Variants in FHIT observed in about 807,000 individuals in gnomAD.
FHIT encodes bis(5'-adenosyl)-triphosphatase.
A neutral mutation model predicts 17.9 loss-of-function variants in FHIT; 19 were observed. That is an observed-to-expected ratio of 1.06 (90% CI 0.74 to 1.56). The LOEUF is 1.56. Ranked by LOEUF, FHIT falls within the 40% of genes most tolerant of loss-of-function variation. The pLI is 0.00. For missense variants in FHIT, 248 were observed against 189.2 expected (o/e 1.31, Z -1.82); for synonymous variants, 81 against 69.7 (o/e 1.16, Z -0.81).
intron 5 of FHIT, among the ~76,000 whole-genome samples, chr3:60,313,747 A>C (rs899613537): frequency 6.6e-6 from 1 of 152,288 alleles, no homozygotes; most frequent in East Asian, 1.9e-4. Flanking sequence ...ACATTAATTA[A>C]AAAAGAAAAT....
At chr3:60,435,395 T>G (rs1345749850) in intron 5 of FHIT, among the ~76,000 whole-genome samples, 1 of 151,936 alleles carries the variant, frequency 6.6e-6, no homozygotes, top group Non-Finnish European at 1.5e-5. Context: ...GATTGAGGAG[T>G]TGATGTACTA....
chr3:60,412,819 G>T (rs1702111249), intron 5 of FHIT, among the ~76,000 whole-genome samples: 1 of 152,142 alleles, frequency 6.6e-6, no homozygotes, highest in Non-Finnish European at 1.5e-5. Context: ...GGATTATGGG[G>T]GTGGGTTTCC....
intron 3 of FHIT, among the ~76,000 whole-genome samples, chr3:61,026,660 A>AT (rs543808254): frequency 2.6e-5 from 4 of 151,618 alleles, no homozygotes; most frequent in Non-Finnish European, 5.9e-5. Flanking sequence ...TTTTTTTGCA[A>AT]TTTTTTTTTA....
At chr3:60,218,286 G>C (rs6801030) in intron 5 of FHIT, among the ~76,000 whole-genome samples, 9,484 of 152,086 alleles carry the variant, frequency 0.062, 413 homozygotes, top group Middle Eastern at 0.13. Context: ...TAAAATTGTA[G>C]TTAAATATAT....
intron 3 of FHIT, among the ~76,000 whole-genome samples, chr3:61,038,046 A>G (rs913563129): frequency 3.9e-5 from 6 of 152,256 alleles, no homozygotes; most frequent in African/African-American, 1.4e-4. Context: ...AGAATTAGAA[A>G]TCATGATTTT....
At chr3:60,336,345 G>T (rs771791111) in intron 5 of FHIT, among the ~76,000 whole-genome samples, 10 of 152,182 alleles carry the variant, frequency 6.6e-5, no homozygotes, top group Admixed American at 6.5e-5. Flanking sequence ...GCGCCATTTT[G>T]GCTCTTCTTT....
intron 4 of FHIT, among the ~76,000 whole-genome samples, chr3:60,646,918 G>C (rs114481852): frequency 6.6e-6 from 1 of 152,254 alleles, no homozygotes; most frequent in East Asian, 1.9e-4. Context: ...CATATAGAGC[G>C]AAACTGCAAT....
intron 7 of FHIT, among the ~76,000 whole-genome samples, chr3:59,948,567 T>C (rs1378576448): frequency 6.6e-6 from 1 of 151,746 alleles, no homozygotes; most frequent in Non-Finnish European, 1.5e-5. Flanking sequence ...AATAAATCAC[T>C]ATTTTCCAGA....
At chr3:59,900,410 G>A (rs1214811246) in intron 8 of FHIT, among the ~76,000 whole-genome samples, 1 of 152,158 alleles carries the variant, frequency 6.6e-6, no homozygotes, top group Non-Finnish European at 1.5e-5. Flanking sequence ...CAATATCCAA[G>A]AAGTTGCCAA....
At chr3:59,906,149 A>G (rs573539231) in intron 8 of FHIT, among the ~76,000 whole-genome samples, 1 of 152,298 alleles carries the variant, frequency 6.6e-6, no homozygotes, top group East Asian at 1.9e-4. Context: ...TTGCTCTATG[A>G]GAATAACTGG....
At chr3:59,989,757 C>T (rs1465590048) in intron 7 of FHIT, among the ~76,000 whole-genome samples, 1 of 151,990 alleles carries the variant, frequency 6.6e-6, no homozygotes, top group Non-Finnish European at 1.5e-5. Flanking sequence ...CTCCCTTCCC[C>T]TGTAAATTTC....
chr3:59,905,542 A>G (rs1181254832), intron 8 of FHIT, among the ~76,000 whole-genome samples: 1 of 152,246 alleles, frequency 6.6e-6, no homozygotes. Flanking sequence ...GGGATGAGGC[A>G]TATAAAATTT....
At chr3:60,408,196 C>T (rs978046107) in intron 5 of FHIT, among the ~76,000 whole-genome samples, 2 of 152,174 alleles carry the variant, frequency 1.3e-5, no homozygotes, top group African/African-American at 4.8e-5. Flanking sequence ...TAGGTTGTAA[C>T]GGCCCACTGG....
At chr3:60,937,567 C>CTCTTT (rs1708244362) in intron 3 of FHIT, among the ~76,000 whole-genome samples, 1 of 135,126 alleles carries the variant, frequency 7.4e-6, no homozygotes, top group African/African-American at 2.8e-5. Flanking sequence ...CTTTTCTTTT[C>CTCTTT]TTTTTTTTTT....
At chr3:61,226,280 C>G (rs2039969022) in intron 1 of FHIT, among the ~76,000 whole-genome samples, 3 of 152,280 alleles carry the variant, frequency 2.0e-5, no homozygotes, top group Admixed American at 6.5e-5. Context: ...ACGGGAAACA[C>G]TTCCCAAGCC....
intron 8 of FHIT, among the ~76,000 whole-genome samples, chr3:59,881,546 T>C (rs985954474): frequency 1.3e-5 from 2 of 152,102 alleles, no homozygotes; most frequent in Non-Finnish European, 2.9e-5. Flanking sequence ...TACACATAAA[T>C]GTTCACATAT....
At chr3:59,840,206 A>G (rs1701480507) in intron 8 of FHIT, among the ~76,000 whole-genome samples, 1 of 152,084 alleles carries the variant, frequency 6.6e-6, no homozygotes, top group African/African-American at 2.4e-5. Flanking sequence ...CAGATTCCCC[A>G]TCATTCCCAT....
At chr3:60,931,735 C>G (rs1484746932) in intron 3 of FHIT, among the ~76,000 whole-genome samples, 3 of 152,198 alleles carry the variant, frequency 2.0e-5, no homozygotes, top group Middle Eastern at 3.2e-3. Context: ...CTTGGTGAAG[C>G]TGACAGTCCA....
rs1392453947 is a variant in FHIT at position 60,981,458 on chromosome 3, C to T, written c.-111+60589G>A. On this transcript the variant is annotated intron_variant, in intron 3 of 9. Coordinates refer to ENST00000492590, the MANE Select transcript of FHIT (RefSeq NM_002012.4). ...TAGCTGGGACTACAGGTGCACGCCA[C>T]CACTACCAGCTAATTTTTTTAAAAT... Among the ~76,000 whole-genome samples the T allele has an allele frequency of 6.6e-5, 10 of 152,004 alleles. No individual in the cohort carries two copies. The East Asian group carries it at 1.9e-3, about 29-fold the overall frequency.
Sources: allele counts gnomAD v4.1 joint callset (sites outside exome capture counted in the v4.1 genomes callset), GRCh38; gene constraint gnomAD v4.1.1; transcripts MANE v1.5; gene names NCBI Gene and HGNC (gene_info 2026-07-23, HGNC 2026-07-21).